NDUFA9: variants seen among roughly 807,000 people sequenced by gnomAD.
The protein encoded by NDUFA9 is NADH:ubiquinone oxidoreductase subunit A9.
In NDUFA9, 23 loss-of-function variants were observed where a neutral mutation model predicts 45.9. The observed-to-expected ratio is 0.50, with a 90% confidence interval of 0.36 to 0.71. The LOEUF (loss-of-function observed/expected upper bound fraction) is 0.71. Among genes scored for constraint, NDUFA9 ranks in the 30% least tolerant of loss-of-function variants. NDUFA9 has a pLI of 0.00. For synonymous variants in NDUFA9, 176 were observed against 170.5 expected, an observed-to-expected ratio of 1.03 and a Z score of -0.25; for missense variants, 466 against 488.2, an observed-to-expected ratio of 0.95 and a Z score of 0.43.
At chr12:4,683,840 C>T (rs1487483226) in intron 9 of NDUFA9, among the ~76,000 whole-genome samples, 1 of 152,060 alleles carries the variant, frequency 6.6e-6, no homozygotes, top group Non-Finnish European at 1.5e-5. Context: ...TATCTCAAGC[C>T]CCTAGAACAA....
chr12:4,670,425 A>G (rs993218101), intron 8 of NDUFA9, among the ~76,000 whole-genome samples: 1 of 152,240 alleles, frequency 6.6e-6, no homozygotes, highest in Middle Eastern at 3.2e-3. Flanking sequence ...GAGAGGTATC[A>G]AATTCACCTG....
chr12:4,650,412 A>G (rs753283619), intron 1 of NDUFA9, among the ~76,000 whole-genome samples: 22 of 152,172 alleles, frequency 1.4e-4, no homozygotes, highest in Non-Finnish European at 2.9e-4. Context: ...GTGAATGGTA[A>G]TCACTATTTA....
At chr12:4,652,850 T>C (rs1945767299) in intron 1 of NDUFA9, among the ~76,000 whole-genome samples, 1 of 152,272 alleles carries the variant, frequency 6.6e-6, no homozygotes, top group Admixed American at 6.5e-5. Flanking sequence ...GATGTTTACT[T>C]TTAATTTCTG....
At chr12:4,653,382 T>C (rs1412407392) in intron 1 of NDUFA9, 1 of 245,596 alleles carries the variant, frequency 4.1e-6, no homozygotes, top group Non-Finnish European at 8.1e-6. Context: ...ACTTTCTTTC[T>C]GTTAGAATGG....
intron 8 of NDUFA9, among the ~76,000 whole-genome samples, chr12:4,676,230 C>G (rs994190980): frequency 1.3e-5 from 2 of 152,168 alleles, no homozygotes; most frequent in African/African-American, 2.4e-5. Context: ...AAAATCGGCA[C>G]AAGACAAGGA....
At chr12:4,685,420 GT>G (rs1945979822) in intron 10 of NDUFA9, 95 bp downstream of exon 10, 1 of 1,190,824 alleles carries the variant, frequency 8.4e-7, no homozygotes, top group African/African-American at 1.5e-5. Context: ...GCCCTTGTCT[GT>G]TTGCTGTTCT....
intron 1 of NDUFA9, among the ~76,000 whole-genome samples, chr12:4,650,399 A>C (rs543483363): frequency 1.5e-4 from 23 of 152,336 alleles, no homozygotes; most frequent in African/African-American, 5.1e-4. Context: ...CGTAATGTAG[A>C]TTGTGAATGG....
At position 4,654,355 on chromosome 12, in the gene NDUFA9, A is replaced by G. The variant is rs1945776870; in HGVS notation, c.113A>G (p.His38Arg). The G allele has an allele frequency of 3.1e-6, 5 of 1,614,022 alleles. No individual in the cohort carries two copies. The highest frequency in any genetic ancestry group is 1.3e-5 in the African/African-American group (1 of 74,928). Residue 38 changes from histidine to arginine, a missense_variant, in exon 2 of 11, where the codon CAT (histidine) becomes CGT (arginine). His to Arg is a conservative substitution (Grantham distance 29). Coordinates refer to ENST00000266544, the MANE Select transcript of NDUFA9 (RefSeq NM_005002.5). ...CHGPPCRQLH[H>R]ALMPHGKGGR... ...GGCCCACCCTGTCGCCAGCTTCATC[A>G]TGCCCTCATGCCTCATGGGAAAGGT...
chr12:4,662,202 A>G (rs1250338863), intron 5 of NDUFA9, among the ~76,000 whole-genome samples: 2 of 152,194 alleles, frequency 1.3e-5, no homozygotes, highest in Non-Finnish European at 2.9e-5. Flanking sequence ...ACAGGCTGCT[A>G]GATGGTTGAC....
chr12:4,668,581 T>C (rs1945867242), intron 7 of NDUFA9, 57 bp downstream of exon 7: 1 of 1,454,658 alleles, frequency 6.9e-7, no homozygotes, highest in East Asian at 2.3e-5. Context: ...CAGATTTGAG[T>C]GATCAAGTTT....
At chr12:4,658,115 A>G (rs187006032) in intron 4 of NDUFA9, among the ~76,000 whole-genome samples, 28 of 152,282 alleles carry the variant, frequency 1.8e-4, no homozygotes, top group Non-Finnish European at 2.5e-4. Flanking sequence ...ATCAGTCCCT[A>G]TGGGATGGGG....
intron 8 of NDUFA9, among the ~76,000 whole-genome samples, chr12:4,674,150 C>G (rs1310176029): frequency 6.6e-6 from 1 of 152,178 alleles, no homozygotes; most frequent in African/African-American, 2.4e-5. Flanking sequence ...GCCTGCCTTA[C>G]AAGAGCTCCT....
At position 4,653,893 on chromosome 12, in the gene NDUFA9, CT is replaced by C. The variant is rs539619480; in HGVS notation, c.50-389del. 1.2e-4 allele frequency among the ~76,000 whole-genome samples: 18 copies of C among 149,390 alleles called. 1 individual carries two copies. In the South Asian group the frequency reaches 3.2e-3, roughly 27 times the overall value. On this transcript the variant is annotated intron_variant, in intron 1 of 10. Coordinates refer to ENST00000266544, the MANE Select transcript of NDUFA9 (RefSeq NM_005002.5). ...TGTTCCTCATGGGATTCTGTCCTTT[CT>C]TTTTTTTTTCCTCTTTTAAGACCTT...
At chr12:4,685,504 C>T (rs1341065775) in intron 10 of NDUFA9, among the ~76,000 whole-genome samples, 179 bp downstream of exon 10, 2 of 152,150 alleles carry the variant, frequency 1.3e-5, no homozygotes, top group Non-Finnish European at 2.9e-5. Context: ...GCGGCTCCTC[C>T]CTACTTTCTG....
chr12:4,684,854 G>A, intron 9 of NDUFA9: 1 of 416,332 alleles, frequency 2.4e-6, no homozygotes, highest in Non-Finnish European at 4.3e-6. Flanking sequence ...GGGTTACGTT[G>A]TATATTTTAC....
At chr12:4,659,603 G>A (rs923785056) in intron 5 of NDUFA9, among the ~76,000 whole-genome samples, 1 of 152,146 alleles carries the variant, frequency 6.6e-6, no homozygotes, top group Non-Finnish European at 1.5e-5. Context: ...GAATGACAGG[G>A]ATTAATATTT....
intron 1 of NDUFA9, among the ~76,000 whole-genome samples, chr12:4,652,243 C>G (rs978673448): frequency 2.0e-5 from 3 of 152,192 alleles, no homozygotes; most frequent in African/African-American, 4.8e-5. Flanking sequence ...TATTCATTCC[C>G]TTTCCTGAAT....
At chr12:4,652,389 A>G (rs940985426) in intron 1 of NDUFA9, among the ~76,000 whole-genome samples, 4 of 152,066 alleles carry the variant, frequency 2.6e-5, no homozygotes, top group Admixed American at 2.0e-4. Context: ...TTTCAGAAGG[A>G]TTGTGTATAC....
At chr12:4,681,489 CTTT>C (rs890421504) in intron 8 of NDUFA9, among the ~76,000 whole-genome samples, 1 of 143,468 alleles carries the variant, frequency 7.0e-6, no homozygotes. Flanking sequence ...CATGAGATAC[CTTT>C]TTTTTTTTAA....
Sources: allele counts gnomAD v4.1 joint callset (sites outside exome capture counted in the v4.1 genomes callset), GRCh38; gene constraint gnomAD v4.1.1; transcripts MANE v1.5; gene names NCBI Gene and HGNC (gene_info 2026-07-23, HGNC 2026-07-21).